Variants in F9 observed in about 807,000 individuals in gnomAD.
F9 encodes Christmas factor.
F9 carries 2 observed loss-of-function variants against 34.1 expected under a neutral mutation model. The ratio of observed to expected loss-of-function variants is 0.06; its 90% CI spans 0.02 to 0.18. The LOEUF is 0.18. Ranked by LOEUF, F9 falls within the 10% of genes least tolerant of loss-of-function variation. The pLI, the probability that F9 is intolerant of heterozygous loss-of-function variation, is 1.00. For synonymous variants in F9, 137 were observed against 118.8 expected (o/e 1.15, Z -1.00); for missense variants, 216 against 345.1 (o/e 0.63, Z 2.96).
intron 4 of F9, among the ~76,000 whole-genome samples, chrX:139,546,747 GAGAA>G (rs1378351728): frequency 9.0e-6 from 1 of 111,625 alleles, no homozygotes; most frequent in Non-Finnish European, 1.9e-5. Context: ...TAATAAATGT[GAGAA>G]AGATGTGCAA....
chrX:139,544,877 G>A (rs1201034303), intron 4 of F9: 3 of 111,948 alleles, frequency 2.7e-5, no homozygotes, highest in Non-Finnish European at 5.6e-5. Context: ...GTCAGTATCT[G>A]TCTCTCATTG....
chrX:139,559,293 G>A (rs1391013837), intron 6 of F9, among the ~76,000 whole-genome samples: 7 of 112,599 alleles, frequency 6.2e-5, no homozygotes, highest in African/African-American at 1.9e-4. Flanking sequence ...AGTGGCTCAC[G>A]CCTGTAATCC....
At chrX:139,544,034 C>T (rs1004064179) in intron 4 of F9, among the ~76,000 whole-genome samples, 2 of 111,863 alleles carry the variant, frequency 1.8e-5, no homozygotes, top group Non-Finnish European at 3.8e-5. Flanking sequence ...CAAAGATCAA[C>T]AGCAGCAGCA....
chrX:139,553,835 T>TAAAC (rs1927905345), intron 6 of F9, among the ~76,000 whole-genome samples: 1 of 43,781 alleles, frequency 2.3e-5, no homozygotes, highest in Admixed American at 2.7e-4. Context: ...AAAAAAAAAG[T>TAAAC]CCAAGATTAA....
intron 1 of F9, among the ~76,000 whole-genome samples, chrX:139,536,367 C>T (rs765485746): frequency 9.3e-6 from 1 of 107,402 alleles, no homozygotes; most frequent in East Asian, 2.9e-4. Context: ...ATCTATCCTC[C>T]AGAGTTCAGG....
At position 139,530,762 on chromosome X, in the gene F9, G is replaced by T. The variant is rs1333162298; in HGVS notation, c.-3G>T. The T allele has an allele frequency of 1.7e-6, 2 of 1,208,018 alleles. No individual in the cohort carries two copies. The highest frequency in any genetic ancestry group is 2.2e-6 in the Non-Finnish European group (2 of 892,108). ...CCACTTTCACAATCTGCTAGCAAAGGTTATGCAGCGCGTGAACATGATCAT... is the reference window on the plus strand; with the variant it reads ...CCACTTTCACAATCTGCTAGCAAAGTTTATGCAGCGCGTGAACATGATCAT... On this transcript the variant is annotated 5_prime_UTR_variant, in exon 1 of 8. Coordinates refer to ENST00000218099, the MANE Select transcript of F9 (RefSeq NM_000133.4).
rs944920007 is a variant in F9 at position 139,530,817 on chromosome X, G to C, written c.53G>C (p.Cys18Ser). ...MAESPGLITI[C>S]LLGYLLSAEC... ...GAATCACCAGGCCTCATCACCATCT[G>C]CCTTTTAGGATATCTACTCAGTGCT... The change falls in exon 1 of 8, where the codon TGC (cysteine) becomes TCC (serine). Residue 18 changes from cysteine (C) to serine (S), a missense_variant. Physicochemically the swap from Cys to Ser is moderately radical, Grantham distance 112. Coordinates refer to ENST00000218099, the MANE Select transcript of F9 (RefSeq NM_000133.4). 3 of 1,210,228 alleles carry C rather than the reference G, an allele frequency of 2.5e-6. No homozygotes were observed. In the South Asian group the frequency reaches 5.3e-5, roughly 21 times the overall value.
intron 1 of F9, among the ~76,000 whole-genome samples, chrX:139,531,350 T>A (rs779326072): frequency 5.3e-5 from 6 of 112,332 alleles, no homozygotes; most frequent in African/African-American, 1.9e-4. Context: ...GTGTCTCTAA[T>A]TTTTTAAATT....
intron 3 of F9, among the ~76,000 whole-genome samples, chrX:139,537,763 GC>G (rs1569482035): frequency 9.0e-6 from 1 of 111,187 alleles, no homozygotes; most frequent in African/African-American, 3.3e-5. Flanking sequence ...TGGCCCACAA[GC>G]CCTTCCATGA....
intron 5 of F9, 129 bp from the exon 6 acceptor site, chrX:139,550,932 AT>A (rs959637546): frequency 1.3e-5 from 7 of 530,490 alleles, no homozygotes; most frequent in African/African-American, 4.7e-5. Context: ...CACTGATTAG[AT>A]TTTTTTAAAT....
At chrX:139,549,042 T>C (rs1927781850) in intron 5 of F9, among the ~76,000 whole-genome samples, 1 of 111,369 alleles carries the variant, frequency 9.0e-6, no homozygotes, top group Non-Finnish European at 1.9e-5. Flanking sequence ...AACAAAACAA[T>C]GTTTCCCAGT....
chrX:139,557,053 G>T (rs1474251261), intron 6 of F9, among the ~76,000 whole-genome samples: 1 of 112,306 alleles, frequency 8.9e-6, no homozygotes, highest in Non-Finnish European at 1.9e-5. Context: ...AAATTCAGAT[G>T]TGAATGTATA....
chrX:139,537,704 C>G (rs1017275081), intron 3 of F9, among the ~76,000 whole-genome samples: 5 of 111,561 alleles, frequency 4.5e-5, no homozygotes, highest in African/African-American at 1.6e-4. Context: ...AAATCAGAGA[C>G]TGCTGATTGA....
At chrX:139,549,750 C>T (rs1481803091) in intron 5 of F9, among the ~76,000 whole-genome samples, 1 of 112,374 alleles carries the variant, frequency 8.9e-6, no homozygotes, top group Non-Finnish European at 1.9e-5. Flanking sequence ...AAGGCCATCA[C>T]GAGCATATCA....
In F9 at chrX:139,563,439, A is replaced by C. The variant is rs892517107; in HGVS notation, c.*1368A>C. The C allele has an allele frequency of 9.0e-6, 1 of 111,585 alleles. No individual in the cohort carries two copies. Among genetic ancestry groups the C allele is most frequent in the African/African-American group, 3.3e-5 (1 of 30,681 alleles). The allele number at this position is 111,585 out of a possible 1,213,427, so 9.2% of individuals were successfully genotyped here. The stretch of plus-strand genomic sequence containing the variant: ...CGTATGTTTCCCTTTGTGAATTAAT[A>C]AACTGGTGTTCTGGTTCATACCTTG... On this transcript the variant is annotated 3_prime_UTR_variant, in exon 8 of 8. Transcript: ENST00000218099.
rs1330404251 is a variant in F9, at chrX:139,537,659, T to C, written c.277+273T>C. ...GAAGGAAGAAACTGAAATGATTGTGTCTTAGAACCTAATGAAAGTTTGCAT... is the reference window on the plus strand; with the variant it reads ...GAAGGAAGAAACTGAAATGATTGTGCCTTAGAACCTAATGAAAGTTTGCAT... On this transcript the variant is annotated intron_variant, in intron 3 of 7. Coordinates refer to ENST00000218099, the MANE Select transcript of F9 (RefSeq NM_000133.4). 3.6e-5 allele frequency among the ~76,000 whole-genome samples: 4 copies of C among 111,585 alleles called. No homozygotes were observed. The Middle Eastern group carries it at 0.014, about 389-fold the overall frequency.
chrX:139,541,500 C>G (rs756060527), intron 4 of F9, among the ~76,000 whole-genome samples: 1 of 111,745 alleles, frequency 8.9e-6, no homozygotes, highest in Non-Finnish European at 1.9e-5. Context: ...GCAACTCCAA[C>G]GGCCAAAAAT....
At chrX:139,536,560 A>G (rs1175293137) in intron 1 of F9, among the ~76,000 whole-genome samples, 1 of 111,326 alleles carries the variant, frequency 9.0e-6, no homozygotes, top group African/African-American at 3.3e-5. Context: ...CTGGGGTCAC[A>G]TTTGCAGCTG....
Position 139,548,443 on chromosome X carries a change from A to G in F9, c.472A>G (p.Thr158Ala), listed in dbSNP as rs1927767809. 1.7e-6 allele frequency: 2 copies of G among 1,210,706 alleles called. No individual in the cohort carries two copies. The highest frequency in any genetic ancestry group is 3.5e-5 in the African/African-American group (2 of 57,853). Residue 158 changes from threonine (T) to alanine (A), a missense_variant, in exon 5 of 8, where the codon ACT becomes GCT. By Grantham distance (58) the Thr-to-Ala change is moderately conservative (BLOSUM62 0). Around this residue, in one of 2 missense-constraint regions of F9, gnomAD observed 177 missense variants for 311.8 expected, o/e 0.57. Coordinates refer to ENST00000218099, the MANE Select transcript of F9 (RefSeq NM_000133.4). ...SADNKVVCSCTEGYRLAENQK... is the reference protein window; with the variant it reads ...SADNKVVCSCAEGYRLAENQK... ...TGATAACAAGGTGGTTTGCTCCTGT[A>G]CTGAGGGATATCGACTTGCAGAAAA...
Sources: gnomAD v4.1 joint callset for allele counts (sites outside exome capture counted in the v4.1 genomes callset) on GRCh38, gnomAD v4.1.1 for gene constraint, gnomAD v4.1.1 regional missense constraint, MANE v1.5 for transcripts, NCBI Gene and HGNC (gene_info 2026-07-23, HGNC 2026-07-21) for gene names.